BEND7: variants seen among roughly 807,000 people sequenced by gnomAD.
BEND7 encodes the protein BEN domain containing 7.
BEND7 carries 28 observed loss-of-function variants against 50.9 expected under a neutral mutation model. The ratio of observed to expected loss-of-function variants is 0.55; its 90% CI spans 0.41 to 0.75. The LOEUF (loss-of-function observed/expected upper bound fraction) is 0.75, where lower values mean the gene tolerates loss of function less well. Among genes scored for constraint, BEND7 ranks in the 30% least tolerant of loss-of-function variants. The pLI, the probability that BEND7 is intolerant of heterozygous loss-of-function variation, is 0.00. For missense variants in BEND7, 477 were observed against 491.3 expected (o/e 0.97, Z 0.28); for synonymous variants, 170 against 183.9 (o/e 0.92, Z 0.61).
intron 6 of BEND7, among the ~76,000 whole-genome samples, chr10:13,473,329 G>A (rs1046708318): frequency 2.2e-5 from 3 of 133,378 alleles, no homozygotes; most frequent in Non-Finnish European, 4.8e-5. Context: ...CTCGGGGATG[G>A]TATCCGTCAT....
intron 2 of BEND7, among the ~76,000 whole-genome samples, chr10:13,522,224 G>A (rs931056733): frequency 1.3e-5 from 2 of 152,224 alleles, no homozygotes; most frequent in African/African-American, 4.8e-5. Context: ...AAAATCCAAT[G>A]TGTGAAAAGA....
chr10:13,488,427 T>G (rs1240824360), intron 5 of BEND7, among the ~76,000 whole-genome samples: 2 of 152,172 alleles, frequency 1.3e-5, no homozygotes, highest in African/African-American at 4.8e-5. Context: ...AACTGTCTTC[T>G]CTCAGTATTG....
chr10:13,443,362 C>A (rs1835624741), intron 8 of BEND7: 1 of 152,678 alleles, frequency 6.5e-6, no homozygotes, highest in Non-Finnish European at 1.5e-5. Flanking sequence ...AAACCTGGTT[C>A]TGTGTCCTCC....
At chr10:13,450,651 A>C (rs1588642808) in intron 7 of BEND7, among the ~76,000 whole-genome samples, 2 of 152,298 alleles carry the variant, frequency 1.3e-5, no homozygotes, top group Admixed American at 1.3e-4. Flanking sequence ...AGAAGGGCCA[A>C]GGGAGCCGAT....
At chr10:13,452,714 T>G in intron 6 of BEND7, 56 bp from the exon 7 acceptor site, 6 of 1,469,572 alleles carry the variant, frequency 4.1e-6, no homozygotes, top group Non-Finnish European at 5.5e-6. Context: ...TATGCAGATC[T>G]GAAACAGAAA....
At chr10:13,497,614 C>T (rs1460924679) in intron 3 of BEND7, among the ~76,000 whole-genome samples, 1 of 152,142 alleles carries the variant, frequency 6.6e-6, no homozygotes, top group Non-Finnish European at 1.5e-5. Flanking sequence ...AATTTAATGC[C>T]TTTTCCTTGG....
intron 5 of BEND7, among the ~76,000 whole-genome samples, chr10:13,484,213 T>A (rs1260044524): frequency 6.6e-6 from 1 of 152,206 alleles, no homozygotes; most frequent in Non-Finnish European, 1.5e-5. Flanking sequence ...CCTATTCAGA[T>A]TTCTAAGCCA....
chr10:13,501,837 C>A (rs986170307), intron 2 of BEND7, among the ~76,000 whole-genome samples: 14 of 123,458 alleles, frequency 1.1e-4, no homozygotes, highest in African/African-American at 4.0e-4. Flanking sequence ...TAGTGGCAGA[C>A]CCTGTCTCAA....
At chr10:13,450,773 AGGAGG>A (rs1214528819) in intron 7 of BEND7, among the ~76,000 whole-genome samples, 1 of 150,340 alleles carries the variant, frequency 6.7e-6, no homozygotes, top group Non-Finnish European at 1.5e-5. Context: ...GGACTCCTCG[AGGAGG>A]GGAGGGGTGG....
chr10:13,447,311 C>T lies in BEND7; in HGVS notation c.1189G>A (p.Ala397Thr), dbSNP rs368934749. Residue 397 changes from alanine to threonine, a missense_variant, in exon 8 of 9, where the codon GCG becomes ACG. This residue lies in a region of BEND7 where 64 missense variants were observed against 68.5 expected (regional missense o/e 0.93). Coordinates refer to ENST00000466271, the MANE Select transcript of BEND7 (RefSeq NM_001369863.1). Reference protein sequence around the residue: ...RRRLKRGSEIADSDERLDGIA... With the variant: ...RRRLKRGSEITDSDERLDGIA... ...CCGTCCAGTCTTTCATCACTGTCCG[C>T]GATCTCTGCTGGTTACAAACATAAG... 41 of 1,613,962 alleles carry T rather than the reference C, an allele frequency of 2.5e-5. No homozygotes were observed. The highest frequency in any genetic ancestry group is 1.6e-4 in the African/African-American group (12 of 74,888).
intron 7 of BEND7, among the ~76,000 whole-genome samples, chr10:13,447,923 G>A (rs1424294532): frequency 1.3e-5 from 2 of 152,170 alleles, no homozygotes; most frequent in African/African-American, 4.8e-5. Context: ...GCGGGGATGT[G>A]TCAATGAATT....
chr10:13,461,067 G>A (rs1401313520), intron 6 of BEND7, among the ~76,000 whole-genome samples: 1 of 152,226 alleles, frequency 6.6e-6, no homozygotes, highest in Non-Finnish European at 1.5e-5. Flanking sequence ...CCATTATTGG[G>A]TGGGAGTGGG....
intron 5 of BEND7, among the ~76,000 whole-genome samples, chr10:13,491,121 C>T (rs1453371106): frequency 6.6e-6 from 1 of 151,896 alleles, no homozygotes; most frequent in Non-Finnish European, 1.5e-5. Context: ...TCTTTAGAAG[C>T]ATGTTATTCT....
At chr10:13,498,539 ATTAAC>A (rs372897064) in intron 3 of BEND7, among the ~76,000 whole-genome samples, 13 of 152,298 alleles carry the variant, frequency 8.5e-5, no homozygotes, top group African/African-American at 3.1e-4. Flanking sequence ...TGTGGGGTTT[ATTAAC>A]TTCATACATA....
intron 2 of BEND7, among the ~76,000 whole-genome samples, chr10:13,513,595 T>C (rs1225908075): frequency 6.6e-6 from 1 of 152,224 alleles, no homozygotes; most frequent in Non-Finnish European, 1.5e-5. Flanking sequence ...TCTAAATTAC[T>C]TTAGAATTCT....
chr10:13,468,477 A>C (rs182968599), intron 6 of BEND7, among the ~76,000 whole-genome samples: 273 of 152,314 alleles, frequency 1.8e-3, no homozygotes, highest in African/African-American at 6.3e-3. Flanking sequence ...AGAGAAATTC[A>C]AGTTACGGAG....
At chr10:13,505,746 C>T (rs61833903) in intron 2 of BEND7, among the ~76,000 whole-genome samples, 6,535 of 152,226 alleles carry the variant, frequency 0.043, 195 homozygotes, top group Non-Finnish European at 0.061. Context: ...AGAGTTCCAT[C>T]CAAAACAGAG....
At chr10:13,450,991 G>A (rs1019792764) in intron 7 of BEND7, among the ~76,000 whole-genome samples, 15 of 152,066 alleles carry the variant, frequency 9.9e-5, no homozygotes, top group Admixed American at 9.8e-4. Context: ...GACAGGGGAA[G>A]GGAATAGAGA....
At position 13,518,902 on chromosome 10, in the gene BEND7, C is replaced by T. The variant is rs555380212; in HGVS notation, c.145+7236G>A. ...GGACCTATCAGCAGAGTACCTATTA[C>T]GGATACAGCATTGTGCTAGGTTCTC... is the stretch of plus-strand genomic sequence containing the variant. On this transcript the variant is annotated intron_variant, in intron 2 of 8. Coordinates refer to ENST00000466271, the MANE Select transcript of BEND7 (RefSeq NM_001369863.1). 4.6e-5 allele frequency among the ~76,000 whole-genome samples: 7 copies of T among 152,314 alleles called. No homozygotes were observed. The South Asian group carries it at 1.2e-3, about 27-fold the overall frequency.
Sources: gnomAD v4.1 joint callset for allele counts (sites outside exome capture counted in the v4.1 genomes callset) on GRCh38, gnomAD v4.1.1 for gene constraint, gnomAD v4.1.1 regional missense constraint, MANE v1.5 for transcripts, NCBI Gene and HGNC (gene_info 2026-07-23, HGNC 2026-07-21) for gene names.